CCSER1: variants seen among roughly 807,000 people sequenced by gnomAD.
CCSER1 encodes the protein coiled-coil serine rich protein 1.
In CCSER1, 41 loss-of-function variants were observed where a neutral mutation model predicts 82.0. The observed-to-expected ratio is 0.50, with a 90% CI of 0.39 to 0.65. CCSER1 has a LOEUF of 0.65. Ranked by LOEUF, CCSER1 falls within the 30% of genes least tolerant of loss-of-function variation. CCSER1 has a pLI of 0.00. For synonymous variants in CCSER1, 414 were observed against 383.9 expected, an observed-to-expected ratio of 1.08 and a Z score of -0.92; for missense variants, 1,119 against 1,064.2, an observed-to-expected ratio of 1.05 and a Z score of -0.72.
chr4:90,741,890 C>CCTA (rs1746614760), intron 7 of CCSER1, among the ~76,000 whole-genome samples: 1 of 152,070 alleles, frequency 6.6e-6, no homozygotes, highest in Non-Finnish European at 1.5e-5. Flanking sequence ...TTTGAAATTG[C>CCTA]CTACTGTATT....
intron 9 of CCSER1, among the ~76,000 whole-genome samples, chr4:91,034,967 C>G (rs1741305455): frequency 6.6e-6 from 1 of 151,994 alleles, no homozygotes; most frequent in Non-Finnish European, 1.5e-5. Context: ...GATGACAAAG[C>G]CTGGGCAAAA....
At chr4:91,442,431 G>C (rs1449415097) in intron 10 of CCSER1, among the ~76,000 whole-genome samples, 10 of 147,466 alleles carry the variant, frequency 6.8e-5, no homozygotes, top group African/African-American at 2.5e-4. Flanking sequence ...GTAGAAAGCT[G>C]AAACTGGATG....
At chr4:91,179,468 T>G (rs1484548257) in intron 10 of CCSER1, among the ~76,000 whole-genome samples, 7 of 152,224 alleles carry the variant, frequency 4.6e-5, no homozygotes, top group African/African-American at 1.7e-4. Context: ...TCTTTTCACA[T>G]AGTCCCATAT....
intron 7 of CCSER1, among the ~76,000 whole-genome samples, chr4:90,754,567 A>T (rs1005093372): frequency 1.3e-5 from 2 of 152,170 alleles, no homozygotes; most frequent in Admixed American, 1.3e-4. Flanking sequence ...CATTCAAGAT[A>T]CAACCTGGTT....
chr4:91,398,662 C>G (rs759384482), intron 10 of CCSER1, among the ~76,000 whole-genome samples: 2 of 151,410 alleles, frequency 1.3e-5, no homozygotes, highest in Non-Finnish European at 2.9e-5. Flanking sequence ...AGATACCTGG[C>G]AGACAATTAC....
At chr4:91,490,552 A>G (rs182543274) in intron 10 of CCSER1, among the ~76,000 whole-genome samples, 1 of 151,900 alleles carries the variant, frequency 6.6e-6, no homozygotes, top group East Asian at 2.0e-4. Flanking sequence ...AAATAATTGA[A>G]CTCATGAAGA....
At chr4:90,345,019 C>T (rs1742082639) in intron 3 of CCSER1, among the ~76,000 whole-genome samples, 1 of 152,014 alleles carries the variant, frequency 6.6e-6, no homozygotes, top group Non-Finnish European at 1.5e-5. Flanking sequence ...GTTTGCTCAT[C>T]TGCTTAGAAA....
At chr4:90,793,440 T>G (rs1490503495) in intron 7 of CCSER1, among the ~76,000 whole-genome samples, 2 of 152,324 alleles carry the variant, frequency 1.3e-5, no homozygotes, top group African/African-American at 4.8e-5. Flanking sequence ...CAGTATTTGG[T>G]TTTCTTTTCC....
At position 91,149,910 on chromosome 4, in the gene CCSER1, C is replaced by T. The variant is rs552698964; in HGVS notation, c.2217+63916C>T. On this transcript the variant is annotated intron_variant, in intron 10 of 10. Transcript: ENST00000509176. The stretch of plus-strand genomic sequence containing the variant: ...TGTAGTATAGTTTGAAGTCAGGTAG[C>T]ATGATGCCTCCAGCTTTGTTCTTGT... Among the ~76,000 whole-genome samples the T allele has an allele frequency of 1.2e-4, 19 of 152,110 alleles. No individual in the cohort carries two copies. In the South Asian group the frequency reaches 3.6e-3, roughly 29 times the overall value.
chr4:90,813,715 T>C (rs1296170012), intron 7 of CCSER1, among the ~76,000 whole-genome samples: 1 of 152,188 alleles, frequency 6.6e-6, no homozygotes, highest in Non-Finnish European at 1.5e-5. Context: ...CCCATCCATG[T>C]GAAACTATAA....
chr4:91,155,550 G>T (rs999082589), intron 10 of CCSER1, among the ~76,000 whole-genome samples: 1 of 151,904 alleles, frequency 6.6e-6, no homozygotes, highest in Non-Finnish European at 1.5e-5. Context: ...AATACAATTT[G>T]GGAGTCATGA....
chr4:91,554,090 T>A (rs938675847), intron 10 of CCSER1, among the ~76,000 whole-genome samples: 1 of 148,440 alleles, frequency 6.7e-6, no homozygotes, highest in Non-Finnish European at 1.5e-5. Context: ...TGCTCTCATT[T>A]TCCTTAGTCT....
chr4:90,179,189 A>G (rs2153384021), intron 1 of CCSER1, among the ~76,000 whole-genome samples: 1 of 152,268 alleles, frequency 6.6e-6, no homozygotes, highest in South Asian at 2.1e-4. Flanking sequence ...TTGGTCGAAG[A>G]AAATAATTGA....
chr4:90,311,307 A>G (rs969908208), intron 2 of CCSER1, among the ~76,000 whole-genome samples: 5 of 152,126 alleles, frequency 3.3e-5, no homozygotes, highest in African/African-American at 1.2e-4. Flanking sequence ...GCCTAATTGA[A>G]TACTGCATAT....
intron 5 of CCSER1, among the ~76,000 whole-genome samples, chr4:90,493,032 T>C (rs1768323528): frequency 6.6e-6 from 1 of 152,022 alleles, no homozygotes; most frequent in African/African-American, 2.4e-5. Flanking sequence ...ATTAGACAAA[T>C]GGCTAACTGG....
At chr4:90,961,537 A>G (rs2150376671) in intron 9 of CCSER1, among the ~76,000 whole-genome samples, 1 of 152,280 alleles carries the variant, frequency 6.6e-6, no homozygotes, top group South Asian at 2.1e-4. Context: ...AAAATGTTTC[A>G]TATGAATATT....
At chr4:90,480,513 C>A (rs1218563676) in intron 5 of CCSER1, among the ~76,000 whole-genome samples, 1 of 152,112 alleles carries the variant, frequency 6.6e-6, no homozygotes. Context: ...GGTTTTAGGT[C>A]TAACATTTAA....
chr4:91,501,713 CT>C (rs1759221842), intron 10 of CCSER1, among the ~76,000 whole-genome samples: 1 of 151,860 alleles, frequency 6.6e-6, no homozygotes, highest in South Asian at 2.1e-4. Flanking sequence ...TACCTTTTAT[CT>C]TTCATCATTT....
chr4:91,229,656 T>TA (rs1738469619), intron 10 of CCSER1, among the ~76,000 whole-genome samples: 1 of 152,012 alleles, frequency 6.6e-6, no homozygotes, highest in African/African-American at 2.4e-5. Context: ...TATGCACCTG[T>TA]AAAAAAGAAT....
Sources: gnomAD v4.1 joint callset for allele counts (sites outside exome capture counted in the v4.1 genomes callset) on GRCh38, gnomAD v4.1.1 for gene constraint, MANE v1.5 for transcripts, NCBI Gene and HGNC (gene_info 2026-07-23, HGNC 2026-07-21) for gene names.